CNTNAP2: variants seen among roughly 807,000 people sequenced by gnomAD.
The protein encoded by CNTNAP2 is contactin-associated protein-like 2.
A neutral mutation model predicts 155.2 loss-of-function variants in CNTNAP2; 98 were observed. The ratio of observed to expected loss-of-function variants is 0.63; its 90% confidence interval spans 0.54 to 0.75. CNTNAP2 has a LOEUF of 0.75. Ranked by LOEUF, CNTNAP2 falls within the 30% of genes least tolerant of loss-of-function variation. The pLI, the probability that CNTNAP2 is intolerant of heterozygous loss-of-function variation, is 0.00. For synonymous variants in CNTNAP2, 651 were observed against 631.2 expected (o/e 1.03, Z -0.47); for missense variants, 1,727 against 1,688.1 (o/e 1.02, Z -0.40).
intron 13 of CNTNAP2, among the ~76,000 whole-genome samples, chr7:147,753,743 T>C (rs1797174568): frequency 6.6e-6 from 1 of 152,152 alleles, no homozygotes; most frequent in Non-Finnish European, 1.5e-5. Flanking sequence ...TACATGGAAT[T>C]TAGGGACTTG....
intron 14 of CNTNAP2, among the ~76,000 whole-genome samples, chr7:147,921,546 A>T (rs1800280800): frequency 3.3e-5 from 5 of 152,116 alleles, no homozygotes; most frequent in Admixed American, 3.3e-4. Flanking sequence ...TCCTTTAAAC[A>T]CCTAATTTTT....
chr7:147,892,078 TA>T (rs1243928446), intron 13 of CNTNAP2, among the ~76,000 whole-genome samples: 1 of 152,092 alleles, frequency 6.6e-6, no homozygotes, highest in East Asian at 1.9e-4. Flanking sequence ...GAATAAAATT[TA>T]GTATTGATTC....
intron 18 of CNTNAP2, among the ~76,000 whole-genome samples, chr7:148,177,619 G>A (rs1485827217): frequency 1.3e-5 from 2 of 152,120 alleles, no homozygotes; most frequent in East Asian, 3.9e-4. Context: ...CTTTCTAATT[G>A]TGTTAGCATC....
chr7:147,172,539 CAG>C (rs1172124225), intron 8 of CNTNAP2, among the ~76,000 whole-genome samples: 1 of 151,892 alleles, frequency 6.6e-6, no homozygotes, highest in Non-Finnish European at 1.5e-5. Context: ...AATATTTTTT[CAG>C]AGTCATTTGT....
chr7:148,324,067 T>G (rs1236257591), intron 21 of CNTNAP2, among the ~76,000 whole-genome samples: 1 of 152,012 alleles, frequency 6.6e-6, no homozygotes, highest in Non-Finnish European at 1.5e-5. Context: ...GTATTTTTAG[T>G]AAAGACGGGG....
intron 1 of CNTNAP2, among the ~76,000 whole-genome samples, chr7:146,771,593 C>G (rs1802293433): frequency 6.6e-6 from 1 of 152,104 alleles, no homozygotes; most frequent in Admixed American, 6.5e-5. Flanking sequence ...ATTTAACTTT[C>G]TGGGGAACTT....
At chr7:147,131,901 G>A (rs1455284927) in intron 7 of CNTNAP2, among the ~76,000 whole-genome samples, 1 of 151,694 alleles carries the variant, frequency 6.6e-6, no homozygotes, top group Non-Finnish European at 1.5e-5. Context: ...TAGCTTTGCT[G>A]TCTTCAGAAA....
chr7:147,064,323 T>A (rs1799739353), intron 4 of CNTNAP2, among the ~76,000 whole-genome samples: 1 of 152,176 alleles, frequency 6.6e-6, no homozygotes, highest in South Asian at 2.1e-4. Context: ...TTTCACACAT[T>A]ATGAAATGGA....
At chr7:147,501,704 G>A (rs1798816413) in intron 11 of CNTNAP2, among the ~76,000 whole-genome samples, 1 of 152,190 alleles carries the variant, frequency 6.6e-6, no homozygotes, top group Admixed American at 6.5e-5. Context: ...GCTAGGTTAA[G>A]CTATGATGTT....
chr7:147,596,670 C>T (rs1187748730), intron 12 of CNTNAP2, among the ~76,000 whole-genome samples: 1 of 152,134 alleles, frequency 6.6e-6, no homozygotes, highest in Non-Finnish European at 1.5e-5. Flanking sequence ...GTGTCAGAGG[C>T]ATTCAAACCA....
chr7:146,514,690 C>T (rs1255611133), intron 1 of CNTNAP2, among the ~76,000 whole-genome samples: 5 of 151,828 alleles, frequency 3.3e-5, no homozygotes, highest in Non-Finnish European at 5.9e-5. Context: ...TAACTCAACT[C>T]ATACCATCTC....
intron 1 of CNTNAP2, among the ~76,000 whole-genome samples, chr7:146,649,831 C>A (rs949192908): frequency 3.3e-5 from 5 of 151,964 alleles, no homozygotes; most frequent in Non-Finnish European, 7.4e-5. Flanking sequence ...TAGTCTTAAA[C>A]ATCTTAAAGA....
At chr7:146,795,737 T>C (rs1802757349) in intron 2 of CNTNAP2, among the ~76,000 whole-genome samples, 2 of 152,204 alleles carry the variant, frequency 1.3e-5, no homozygotes, top group African/African-American at 2.4e-5. Context: ...ATTCTAGCTA[T>C]TATTTGATAA....
chr7:147,130,833 C>A (rs1431545385), intron 7 of CNTNAP2, among the ~76,000 whole-genome samples: 1 of 152,018 alleles, frequency 6.6e-6, no homozygotes. Flanking sequence ...ACAATCCCCT[C>A]AAAAGAGGTA....
At chr7:146,376,023 A>G (rs1218654925) in intron 1 of CNTNAP2, among the ~76,000 whole-genome samples, 1 of 152,168 alleles carries the variant, frequency 6.6e-6, no homozygotes, top group Non-Finnish European at 1.5e-5. Context: ...TGAGCGTATA[A>G]CTGCCACCAA....
At chr7:146,931,304 A>T (rs1200064604) in intron 3 of CNTNAP2, among the ~76,000 whole-genome samples, 1 of 152,046 alleles carries the variant, frequency 6.6e-6, no homozygotes, top group Non-Finnish European at 1.5e-5. Flanking sequence ...GCTCAACTAC[A>T]TGGAAACTGA....
At chr7:148,061,913 A>AG (rs1563185287) in intron 15 of CNTNAP2, among the ~76,000 whole-genome samples, 2 of 106,216 alleles carry the variant, frequency 1.9e-5, no homozygotes, top group Admixed American at 9.9e-5. Context: ...ATAGATAGAT[A>AG]AACAGATATA....
intron 1 of CNTNAP2, among the ~76,000 whole-genome samples, chr7:146,187,196 C>T (rs12703784): frequency 0.29 from 44,020 of 152,020 alleles, 7,221 homozygotes; most frequent in African/African-American, 0.44. Flanking sequence ...AGAATATCAT[C>T]CCACCCAACT....
chr7:147,962,162 T>A (rs572129841), intron 14 of CNTNAP2, among the ~76,000 whole-genome samples: 1 of 152,380 alleles, frequency 6.6e-6, no homozygotes, highest in South Asian at 2.1e-4. Flanking sequence ...TGGAATGTAG[T>A]GGACACTCAA....
Sources: allele counts gnomAD v4.1 joint callset (sites outside exome capture counted in the v4.1 genomes callset), GRCh38; gene constraint gnomAD v4.1.1; transcripts MANE v1.5; gene names NCBI Gene and HGNC (gene_info 2026-07-23, HGNC 2026-07-21).